The following CTNNA2 variants were observed in gnomAD, a reference collection of about 807,000 sequenced individuals.
The protein encoded by CTNNA2 is catenin alpha-2.
In CTNNA2, 42 loss-of-function variants were observed where a neutral mutation model predicts 101.0. The ratio of observed to expected loss-of-function variants is 0.42; its 90% confidence interval spans 0.32 to 0.54. The LOEUF is 0.54. CTNNA2 is among the 20% of genes least tolerant of loss of function. CTNNA2 has a pLI of 0.14. For missense variants in CTNNA2, 871 were observed against 1,223.1 expected, an observed-to-expected ratio of 0.71 and a Z score of 4.29; for synonymous variants, 450 against 456.4, an observed-to-expected ratio of 0.99 and a Z score of 0.18.
intron 3 of CTNNA2, among the ~76,000 whole-genome samples, chr2:79,818,656 C>A (rs1195225691): frequency 6.6e-6 from 1 of 151,626 alleles, no homozygotes; most frequent in Non-Finnish European, 1.5e-5. Flanking sequence ...CTTCAGGTAG[C>A]ACTGACAACT....
At chr2:80,407,086 C>G (rs1366803771) in intron 8 of CTNNA2, among the ~76,000 whole-genome samples, 1 of 152,142 alleles carries the variant, frequency 6.6e-6, no homozygotes, top group African/African-American at 2.4e-5. Flanking sequence ...TTCCATGTAA[C>G]TTTCCTCTTC....
chr2:79,588,666 A>G (rs1274680576), intron 1 of CTNNA2, among the ~76,000 whole-genome samples: 1 of 152,210 alleles, frequency 6.6e-6, no homozygotes, highest in African/African-American at 2.4e-5. Flanking sequence ...CTGAGAAAAA[A>G]GCCAGAATAA....
At chr2:79,854,698 T>C (rs1213481958) in intron 3 of CTNNA2, among the ~76,000 whole-genome samples, 1 of 152,202 alleles carries the variant, frequency 6.6e-6, no homozygotes, top group Non-Finnish European at 1.5e-5. Flanking sequence ...CAGCAGGTTG[T>C]AGTGGCTAGA....
chr2:80,178,067 C>G (rs1705512210), intron 7 of CTNNA2, among the ~76,000 whole-genome samples: 1 of 152,196 alleles, frequency 6.6e-6, no homozygotes, highest in Non-Finnish European at 1.5e-5. Flanking sequence ...ACCTTTTCCT[C>G]TGTCAACTGA....
intron 7 of CTNNA2, among the ~76,000 whole-genome samples, chr2:80,217,007 T>C (rs1336703364): frequency 2.0e-5 from 3 of 151,964 alleles, no homozygotes; most frequent in East Asian, 3.9e-4. Context: ...CCAGCTAATT[T>C]TTGTACTAGA....
At chr2:79,245,566 A>G (rs74874071) in intron 2 of CTNNA2, among the ~76,000 whole-genome samples, 3,570 of 152,170 alleles carry the variant, frequency 0.023, 137 homozygotes, top group African/African-American at 0.083. Context: ...AGGAAGCTCT[A>G]CTCTAGGAAT....
intron 2 of CTNNA2, 151 bp downstream of exon 2, chr2:79,651,809 A>G (rs765905334): frequency 2.0e-5 from 13 of 660,266 alleles, no homozygotes; most frequent in African/African-American, 1.8e-4. Flanking sequence ...ACTATGGGCA[A>G]TCTCATTGCC....
At chr2:79,876,402 A>G (rs1260360625) in intron 6 of CTNNA2, among the ~76,000 whole-genome samples, 2 of 152,246 alleles carry the variant, frequency 1.3e-5, no homozygotes, top group African/African-American at 4.8e-5. Flanking sequence ...GCAATCTCAA[A>G]TACAAAATTA....
intron 4 of CTNNA2, among the ~76,000 whole-genome samples, chr2:79,408,253 T>C (rs1000774309): frequency 6.6e-6 from 1 of 151,760 alleles, no homozygotes; most frequent in African/African-American, 2.4e-5. Flanking sequence ...TGGTGAACTT[T>C]GAGAAAGTGA....
At chr2:80,013,478 T>A (rs1693926422) in intron 7 of CTNNA2, among the ~76,000 whole-genome samples, 1 of 152,316 alleles carries the variant, frequency 6.6e-6, no homozygotes, top group Admixed American at 6.5e-5. Flanking sequence ...CTAGCAGGCA[T>A]TCATTGACTA....
At chr2:80,441,227 G>A (rs1386160242) in intron 9 of CTNNA2, among the ~76,000 whole-genome samples, 1 of 152,146 alleles carries the variant, frequency 6.6e-6, no homozygotes, top group African/African-American at 2.4e-5. Context: ...GTAAAATTTT[G>A]AGGTTTCTGT....
At position 80,514,916 on chromosome 2, in the gene CTNNA2, C is replaced by T. The variant is rs149531045; in HGVS notation, c.1291-30066C>T. On this transcript the variant is annotated intron_variant, in intron 9 of 18. Transcript: ENST00000402739. ...GAGGGCACACAGGGATAGAAGTTCT[C>T]ACTTTGGGCCGCAGGTTTTAGGCTT... Among the ~76,000 whole-genome samples, 36 of 152,274 alleles carry T rather than the reference C, an allele frequency of 2.4e-4. No homozygotes were observed. In the East Asian group the frequency reaches 6.8e-3, roughly 29 times the overall value.
At chr2:79,575,585 C>G (rs765464735) in intron 1 of CTNNA2, 12 of 152,350 alleles carry the variant, frequency 7.9e-5, no homozygotes, top group Non-Finnish European at 1.8e-4. Flanking sequence ...GCTGCTGTCT[C>G]TATGCCCATA....
At chr2:80,420,832 A>G (rs1680463527) in intron 9 of CTNNA2, among the ~76,000 whole-genome samples, 2 of 152,194 alleles carry the variant, frequency 1.3e-5, no homozygotes, top group African/African-American at 4.8e-5. Context: ...AGCAGGTTCT[A>G]TGTGCAAAAG....
At chr2:79,307,341 C>T (rs1444774434) in intron 2 of CTNNA2, among the ~76,000 whole-genome samples, 2 of 103,316 alleles carry the variant, frequency 1.9e-5, no homozygotes, top group African/African-American at 4.8e-5. Context: ...CTTACTCCTC[C>T]GATCTAGCTG....
chr2:80,135,998 G>T (rs1702673630), intron 7 of CTNNA2, among the ~76,000 whole-genome samples: 1 of 152,122 alleles, frequency 6.6e-6, no homozygotes, highest in Non-Finnish European at 1.5e-5. Flanking sequence ...GAGCGATCTG[G>T]AATCCCAAAT....
At chr2:79,867,842 A>G (rs1682260307) in intron 4 of CTNNA2, among the ~76,000 whole-genome samples, 1 of 152,154 alleles carries the variant, frequency 6.6e-6, no homozygotes, top group African/African-American at 2.4e-5. Context: ...ACCAGTTTTT[A>G]TGTCCCAAGA....
chr2:79,981,287 C>T (rs1423652924), intron 7 of CTNNA2, among the ~76,000 whole-genome samples: 1 of 152,022 alleles, frequency 6.6e-6, no homozygotes, highest in East Asian at 1.9e-4. Flanking sequence ...ATAAAATGTC[C>T]ATAGCTACAT....
At position 79,297,754 on chromosome 2, in the gene CTNNA2, TTATC is replaced by T. The variant is rs143038992; in HGVS notation, c.-405-14944_-405-14941del. ...AGACAAATTCATTCCTTCTATCTAT[TTATC>T]TATCTATCTAATCTTTTGTCAAACT... is the stretch of plus-strand genomic sequence containing the variant. On this transcript the variant is annotated intron_variant, in intron 2 of 21. Coordinates refer to the CTNNA2 transcript ENST00000466387. Among the ~76,000 whole-genome samples, 809 of 152,290 alleles carry T rather than the reference TTATC, an allele frequency of 5.3e-3. 9 individuals are homozygous for T. In the East Asian group the frequency reaches 0.062, roughly 12 times the overall value.
Sources: gnomAD v4.1 joint callset for allele counts (sites outside exome capture counted in the v4.1 genomes callset) on GRCh38, gnomAD v4.1.1 for gene constraint, MANE v1.5 for transcripts, NCBI Gene and HGNC (gene_info 2026-07-23, HGNC 2026-07-21) for gene names.